Variants in POLK observed in about 807,000 individuals in gnomAD.
POLK encodes the protein polymerase (DNA directed) kappa.
Under a neutral mutation model 94.0 loss-of-function variants are expected in POLK, and 76 were observed. The observed-to-expected ratio is 0.81, with a 90% CI of 0.67 to 0.98. POLK has a LOEUF of 0.98. POLK is among the 50% of genes least tolerant of loss of function. The pLI, the probability that POLK is intolerant of heterozygous loss-of-function variation, is 0.00. For synonymous variants in POLK, 349 were observed against 325.4 expected (o/e 1.07, Z -0.78); for missense variants, 954 against 1,010.1 (o/e 0.94, Z 0.75).
At chr5:75,516,372 C>T (rs1768322280) in intron 1 of POLK, among the ~76,000 whole-genome samples, 1 of 152,152 alleles carries the variant, frequency 6.6e-6, no homozygotes, top group South Asian at 2.1e-4. Flanking sequence ...TGCTTGACCC[C>T]AGGAGTTTCA....
chr5:75,527,502 T>TATATACACACACACAC (rs555220325), intron 1 of POLK, among the ~76,000 whole-genome samples: 6 of 132,980 alleles, frequency 4.5e-5, no homozygotes, highest in Non-Finnish European at 6.3e-5. Context: ...AATTTATATA[T>TATATACACACACACAC]ACACACACAC....
chr5:75,579,357 T>C (rs1179638435), intron 6 of POLK, among the ~76,000 whole-genome samples: 4 of 151,836 alleles, frequency 2.6e-5, no homozygotes, highest in Non-Finnish European at 4.4e-5. Context: ...TTCACAGTCT[T>C]TATTTTTTTT....
intron 1 of POLK, among the ~76,000 whole-genome samples, chr5:75,516,049 T>A (rs1768307352): frequency 6.6e-6 from 1 of 152,214 alleles, no homozygotes. Context: ...AAATGTCTAT[T>A]CTTTTGCCCA....
chr5:75,546,727 G>A (rs530184317), intron 1 of POLK, among the ~76,000 whole-genome samples: 2 of 150,126 alleles, frequency 1.3e-5, no homozygotes, highest in South Asian at 4.2e-4. Context: ...GTGCGGTAGC[G>A]CAATCTCGGC....
intron 6 of POLK, 143 bp from the exon 7 acceptor site, chr5:75,581,066 G>T: frequency 1.7e-6 from 1 of 603,310 alleles, no homozygotes; most frequent in South Asian, 2.1e-5. Context: ...AATGATAAAT[G>T]ATGGCATTTC....
chr5:75,579,683 T>C (rs2112812023), intron 6 of POLK, among the ~76,000 whole-genome samples: 1 of 152,086 alleles, frequency 6.6e-6, no homozygotes, highest in East Asian at 1.9e-4. Flanking sequence ...TTGTTCTACA[T>C]TTTAAAACCA....
chr5:75,529,112 A>G (rs1017683313), intron 1 of POLK, among the ~76,000 whole-genome samples: 1 of 152,172 alleles, frequency 6.6e-6, no homozygotes, highest in Non-Finnish European at 1.5e-5. Context: ...GGTAATTTAT[A>G]AAGAAAAGAG....
chr5:75,544,664 A>AAT (rs1273784499), intron 1 of POLK, among the ~76,000 whole-genome samples: 2 of 152,102 alleles, frequency 1.3e-5, no homozygotes, highest in Admixed American at 6.6e-5. Flanking sequence ...TGAATGAATG[A>AAT]ATGAATATGA....
chr5:75,535,269 C>G (rs1166369223), intron 1 of POLK, among the ~76,000 whole-genome samples: 1 of 152,114 alleles, frequency 6.6e-6, no homozygotes, highest in African/African-American at 2.4e-5. Context: ...TTAAAGAATG[C>G]TGAATATAGG....
exon 15 of POLK, chr5:75,600,793 T>C (rs573644704): frequency 1.3e-5 from 2 of 152,192 alleles, no homozygotes; most frequent in South Asian, 4.1e-4. Flanking sequence ...AAGAAGCAAA[T>C]CACAGAAGGA....
exon 15 of POLK, chr5:75,600,744 C>A (rs1773279709): frequency 6.6e-6 from 1 of 152,008 alleles, no homozygotes; most frequent in Non-Finnish European, 1.5e-5. Context: ...AATAGCTAAC[C>A]ACAACATAGA....
chr5:75,516,829 A>G (rs1009128219), intron 1 of POLK, among the ~76,000 whole-genome samples: 1 of 152,216 alleles, frequency 6.6e-6, no homozygotes, highest in Non-Finnish European at 1.5e-5. Flanking sequence ...TAAGGAAGAA[A>G]TATCTGAGAG....
chr5:75,573,979 C>A, intron 5 of POLK, 110 bp downstream of exon 5: 1 of 969,112 alleles, frequency 1.0e-6, no homozygotes, highest in Non-Finnish European at 1.6e-6. Flanking sequence ...CTTATCCTTT[C>A]AGTTGAGCCT....
At chr5:75,588,204 CTT>C (rs1255382496) in intron 10 of POLK, among the ~76,000 whole-genome samples, 1 of 151,076 alleles carries the variant, frequency 6.6e-6, no homozygotes, top group East Asian at 1.9e-4. Context: ...GTGTTCTCCA[CTT>C]TTTTTTTCTG....
intron 1 of POLK, chr5:75,512,454 CTT>C (rs1251872654): frequency 6.6e-6 from 1 of 152,300 alleles, no homozygotes; most frequent in African/African-American, 2.4e-5. Flanking sequence ...AAATGAATAT[CTT>C]ACTGAGAACC....
At chr5:75,586,539 C>T (rs1291146220) in intron 9 of POLK, among the ~76,000 whole-genome samples, 1 of 152,154 alleles carries the variant, frequency 6.6e-6, no homozygotes, top group African/African-American at 2.4e-5. Flanking sequence ...GATTCCCAAT[C>T]TTCATCCTAT....
At chr5:75,586,003 A>G (rs1200841690) in intron 9 of POLK, among the ~76,000 whole-genome samples, 2 of 152,196 alleles carry the variant, frequency 1.3e-5, no homozygotes, top group Non-Finnish European at 2.9e-5. Context: ...GCATAATGAA[A>G]GATGAAGATA....
chr5:75,578,701 G>A (rs1772042813), intron 6 of POLK, among the ~76,000 whole-genome samples: 1 of 152,136 alleles, frequency 6.6e-6, no homozygotes, highest in Non-Finnish European at 1.5e-5. Flanking sequence ...AACTGTGGAA[G>A]GCAATTGATA....
chr5:75,585,034 G>T, intron 9 of POLK, 108 bp downstream of exon 9: 2 of 727,778 alleles, frequency 2.7e-6, no homozygotes, highest in Non-Finnish European at 4.7e-6. Flanking sequence ...ATTCTTTCAG[G>T]CTAGTTTAAT....
Sources: allele counts gnomAD v4.1 joint callset (sites outside exome capture counted in the v4.1 genomes callset), GRCh38; gene constraint gnomAD v4.1.1; transcripts MANE v1.5; gene names NCBI Gene and HGNC (gene_info 2026-07-23, HGNC 2026-07-21).